Variants in PAPOLA observed in about 807,000 individuals in gnomAD.
PAPOLA encodes poly(A) polymerase alpha.
In PAPOLA, 15 loss-of-function variants were observed where a neutral mutation model predicts 100.6. The ratio of observed to expected loss-of-function variants is 0.15; its 90% CI spans 0.10 to 0.23. PAPOLA has a LOEUF of 0.23. PAPOLA is among the 10% of genes least tolerant of loss of function. The probability of loss-of-function intolerance (pLI) is 1.00; values close to 1 mark genes in which losing one functional copy is unlikely to be tolerated. For synonymous variants in PAPOLA, 293 were observed against 300.0 expected, an observed-to-expected ratio of 0.98 and a Z score of 0.24; for missense variants, 533 against 884.2, an observed-to-expected ratio of 0.60 and a Z score of 5.04.
intron 1 of PAPOLA, among the ~76,000 whole-genome samples, chr14:96,503,579 A>T (rs548663071): frequency 6.6e-6 from 1 of 151,430 alleles, no homozygotes; most frequent in Admixed American, 6.6e-5. Context: ...CATTTCTTCC[A>T]TTTTTGAATA....
chr14:96,556,437 G>A (rs753449610), intron 19 of PAPOLA, 24 bp downstream of exon 19: 3 of 1,450,528 alleles, frequency 2.1e-6, no homozygotes, highest in Non-Finnish European at 2.9e-6. Flanking sequence ...AAACATATTA[G>A]TTAGCCATGG....
At chr14:96,503,260 C>T (rs1308182550) in intron 1 of PAPOLA, among the ~76,000 whole-genome samples, 2 of 152,222 alleles carry the variant, frequency 1.3e-5, no homozygotes, top group Non-Finnish European at 2.9e-5. Flanking sequence ...GGGTGCCCTC[C>T]TCCAAAACGA....
At chr14:96,561,872 A>G (rs1255352919) in intron 20 of PAPOLA, among the ~76,000 whole-genome samples, 1 of 127,052 alleles carries the variant, frequency 7.9e-6, no homozygotes, top group South Asian at 2.7e-4. Flanking sequence ...TGAAGTTTTT[A>G]TATTTTTCTT....
chr14:96,555,011 A>G (rs919868464), intron 17 of PAPOLA, among the ~76,000 whole-genome samples: 2 of 152,054 alleles, frequency 1.3e-5, no homozygotes, highest in Non-Finnish European at 2.9e-5. Flanking sequence ...TGAGAAAGAG[A>G]AAATGAGAGA....
Position 96,535,924 on chromosome 14 carries a change from G to C in PAPOLA, c.955G>C (p.Ala319Pro). The C allele has an allele frequency of 6.2e-7, 1 of 1,608,266 alleles. No individual in the cohort carries two copies. Among genetic ancestry groups the C allele is most frequent in the Non-Finnish European group, 8.5e-7 (1 of 1,176,690 alleles). ...CCATCTTATGCCTATAATTACACCA[G>C]CATACCCACAACAGAACTCCACGTA... ...RYHLMPIITP[A>P]YPQQNSTYNV... The change falls in exon 11 of 22, where the codon GCA becomes CCA. Residue 319 changes from alanine to proline, a missense_variant. Transcript: ENST00000216277.
chr14:96,537,344 A>G, intron 12 of PAPOLA: 1 of 288,004 alleles, frequency 3.5e-6, no homozygotes, highest in Non-Finnish European at 6.5e-6. Context: ...ACATCTGTAT[A>G]CAGTGGCAAG....
At chr14:96,521,492 T>TA (rs1897959008) in intron 3 of PAPOLA, among the ~76,000 whole-genome samples, 1 of 152,088 alleles carries the variant, frequency 6.6e-6, no homozygotes, top group African/African-American at 2.4e-5. Flanking sequence ...TTTATTTATT[T>TA]TTTATTTATT....
At position 96,552,654 on chromosome 14, in the gene PAPOLA, G is replaced by T. The variant is rs1451123828; in HGVS notation, c.1664+32G>T. 3.2e-6 allele frequency: 5 copies of T among 1,581,222 alleles called. No individual in the cohort carries two copies. The South Asian group carries it at 5.7e-5, about 18-fold the overall frequency. On this transcript the variant is annotated intron_variant, in intron 17 of 21. Transcript: ENST00000216277. ...AAAAAGAGGGAAATAGAAGTGGAGG[G>T]GCTGTTTGCTAAATCAATCAGATAC...
chr14:96,523,903 C>T (rs554766194), intron 3 of PAPOLA, among the ~76,000 whole-genome samples: 4 of 150,916 alleles, frequency 2.7e-5, no homozygotes, highest in African/African-American at 4.9e-5. Context: ...AGATTGCGCC[C>T]GTTGCACTGC....
intron 20 of PAPOLA, among the ~76,000 whole-genome samples, chr14:96,562,044 G>A (rs1036781720): frequency 2.0e-4 from 30 of 151,744 alleles, no homozygotes; most frequent in African/African-American, 6.5e-4. Flanking sequence ...ACAGGCACCC[G>A]CCACCATGCC....
chr14:96,555,759 T>C, intron 17 of PAPOLA, 88 bp from the exon 18 acceptor site: 1 of 615,448 alleles, frequency 1.6e-6, no homozygotes, highest in South Asian at 2.9e-5. Context: ...TACAAAATAA[T>C]TTCTATATAT....
chr14:96,518,789 G>A (rs1595508093), intron 1 of PAPOLA, among the ~76,000 whole-genome samples: 1 of 151,964 alleles, frequency 6.6e-6, no homozygotes, highest in Admixed American at 6.5e-5. Flanking sequence ...GGGCATGGTG[G>A]CCCATGCCTG....
intron 7 of PAPOLA, 75 bp from the exon 8 acceptor site, chr14:96,532,256 A>G: frequency 2.0e-6 from 3 of 1,479,776 alleles, no homozygotes; most frequent in Non-Finnish European, 2.7e-6. Context: ...TGATGATTTA[A>G]TGTTGTTTTT....
chr14:96,503,274 A>C (rs889855055), intron 1 of PAPOLA, among the ~76,000 whole-genome samples: 2 of 152,130 alleles, frequency 1.3e-5, no homozygotes. Flanking sequence ...AAAACGACTT[A>C]TGTATTGCTT....
intron 1 of PAPOLA, among the ~76,000 whole-genome samples, chr14:96,509,911 A>G (rs559844326): frequency 6.7e-6 from 1 of 149,798 alleles, no homozygotes; most frequent in South Asian, 2.1e-4. Flanking sequence ...AGCCATGCAC[A>G]GATTTGCCAC....
chr14:96,562,635 T>C, intron 20 of PAPOLA, 184 bp from the exon 21 acceptor site: 1 of 416,334 alleles, frequency 2.4e-6, no homozygotes, highest in Non-Finnish European at 4.4e-6. Flanking sequence ...AATTTATTAA[T>C]ATCTGAAATG....
chr14:96,534,676 G>A (rs984515177), intron 10 of PAPOLA, 113 bp downstream of exon 10: 32 of 1,540,016 alleles, frequency 2.1e-5, no homozygotes, highest in African/African-American at 1.5e-4. Context: ...GGTCATGTCC[G>A]TATTACACTT....
intron 12 of PAPOLA, among the ~76,000 whole-genome samples, chr14:96,541,434 G>A (rs1193861907): frequency 6.6e-6 from 1 of 152,062 alleles, no homozygotes; most frequent in Non-Finnish European, 1.5e-5. Flanking sequence ...TGTGAAATTT[G>A]GCCCCCAGCA....
intron 17 of PAPOLA, chr14:96,553,576 G>A (rs1009187855): frequency 6.6e-6 from 1 of 152,062 alleles, no homozygotes; most frequent in African/African-American, 2.4e-5. Context: ...ACAATGGCGC[G>A]ATCTCGGCTC....
Sources: allele counts gnomAD v4.1 joint callset (sites outside exome capture counted in the v4.1 genomes callset), GRCh38; gene constraint gnomAD v4.1.1; transcripts MANE v1.5; gene names NCBI Gene and HGNC (gene_info 2026-07-23, HGNC 2026-07-21).